SCAPER: variants seen among roughly 807,000 people sequenced by gnomAD.
SCAPER encodes S-phase cyclin A associated protein in the ER, also known as S phase cyclin A-associated protein in the endoplasmic reticulum.
A neutral mutation model predicts 182.2 loss-of-function variants in SCAPER; 98 were observed. The ratio of observed to expected loss-of-function variants is 0.54; its 90% CI spans 0.46 to 0.64. The LOEUF is 0.64. Ranked by LOEUF, SCAPER falls within the 30% of genes least tolerant of loss-of-function variation. The probability of loss-of-function intolerance (pLI) is 0.00; values close to 1 mark genes in which losing one functional copy is unlikely to be tolerated. For missense variants in SCAPER, 1,432 were observed against 1,690.0 expected (o/e 0.85, Z 2.68); for synonymous variants, 605 against 564.6 (o/e 1.07, Z -1.01).
intron 1 of SCAPER, among the ~76,000 whole-genome samples, chr15:76,890,263 G>C (rs1419232962): frequency 1.3e-5 from 2 of 152,094 alleles, no homozygotes. Context: ...AAGAACTAGA[G>C]AAGCAAGAGC....
intron 15 of SCAPER, among the ~76,000 whole-genome samples, chr15:76,741,878 T>G (rs1419832505): frequency 6.6e-6 from 1 of 151,968 alleles, no homozygotes; most frequent in Non-Finnish European, 1.5e-5. Context: ...GGCAATTGAG[T>G]CTAGAGCTCA....
chr15:76,783,432 A>T (rs186598299), intron 8 of SCAPER, among the ~76,000 whole-genome samples: 86 of 152,364 alleles, frequency 5.6e-4, no homozygotes, highest in African/African-American at 2.0e-3. Flanking sequence ...AGACAGATTC[A>T]CAGCCAACTT....
chr15:76,701,798 TTC>T lies in SCAPER; in HGVS notation c.2466_2467del (p.Asn823TyrfsTer7). 2 of 1,613,896 alleles carry T rather than the reference TTC, an allele frequency of 1.2e-6. No individual in the cohort carries two copies. The highest frequency in any genetic ancestry group is 8.5e-7 in the Non-Finnish European group (1 of 1,179,824). On this transcript the variant is annotated frameshift_variant, in exon 20 of 32. Transcript: ENST00000563290. LOFTEE classifies it high-confidence loss of function. ...CAGTTCACGCCCCTGGATGCTGGTA[TTC>T]TCTCTCACGGCTTGCTGGTGTTTTC...
intron 24 of SCAPER, among the ~76,000 whole-genome samples, chr15:76,498,937 G>A (rs960754012): frequency 6.6e-6 from 1 of 152,120 alleles, no homozygotes; most frequent in Non-Finnish European, 1.5e-5. Flanking sequence ...TGCATATACT[G>A]TAAAGAAATA....
chr15:76,878,949 T>A (rs924246902), intron 2 of SCAPER, among the ~76,000 whole-genome samples: 55 of 152,158 alleles, frequency 3.6e-4, no homozygotes, highest in African/African-American at 1.2e-3. Context: ...ACCAAAAAAA[T>A]TTTTTTAATA....
chr15:76,548,631 T>C (rs912392614), intron 23 of SCAPER, among the ~76,000 whole-genome samples: 1 of 152,166 alleles, frequency 6.6e-6, no homozygotes, highest in Non-Finnish European at 1.5e-5. Flanking sequence ...TTCTTAGGCA[T>C]AGTTTTTGTT....
At chr15:76,430,021 G>T (rs2046759486) in intron 26 of SCAPER, among the ~76,000 whole-genome samples, 1 of 152,170 alleles carries the variant, frequency 6.6e-6, no homozygotes, top group African/African-American at 2.4e-5. Flanking sequence ...CTCTGGCCAT[G>T]GCTAAAGGGG....
At chr15:76,368,044 T>C (rs991298555) in intron 29 of SCAPER, among the ~76,000 whole-genome samples, 1 of 152,332 alleles carries the variant, frequency 6.6e-6, no homozygotes, top group Admixed American at 6.5e-5. Context: ...AAGGAACGTA[T>C]CTGTCACACA....
chr15:76,735,975 T>C (rs894852208), intron 15 of SCAPER, among the ~76,000 whole-genome samples: 3 of 152,112 alleles, frequency 2.0e-5, no homozygotes, highest in African/African-American at 7.2e-5. Flanking sequence ...CAATCAACCA[T>C]AGATAAAAAA....
chr15:76,528,943 C>T (rs1371973686), intron 23 of SCAPER, among the ~76,000 whole-genome samples: 1 of 152,220 alleles, frequency 6.6e-6, no homozygotes, highest in African/African-American at 2.4e-5. Flanking sequence ...TTCTCTGAAA[C>T]ACTGTTAAAA....
chr15:76,808,924 T>C (rs1231457945), intron 5 of SCAPER, among the ~76,000 whole-genome samples: 1 of 152,216 alleles, frequency 6.6e-6, no homozygotes, highest in Admixed American at 6.5e-5. Context: ...AGCTCCTAGC[T>C]TCTCCCTGAG....
chr15:76,356,975 A>G lies in SCAPER; in HGVS notation c.3856-2835T>C, dbSNP rs185955961. On this transcript the variant is annotated intron_variant, in intron 29 of 31. Coordinates refer to ENST00000563290, the MANE Select transcript of SCAPER (RefSeq NM_020843.4). ...TCCAACAACATTCAGATCAAAAGAC[A>G]TTGAAATGGAACCTTGTTCCTGGAT... Among the ~76,000 whole-genome samples the G allele has an allele frequency of 3.3e-5, 5 of 152,318 alleles. No individual in the cohort carries two copies. In the East Asian group the frequency reaches 9.6e-4, roughly 29 times the overall value.
intron 26 of SCAPER, among the ~76,000 whole-genome samples, chr15:76,405,259 G>A (rs970636834): frequency 2.0e-5 from 3 of 151,722 alleles, no homozygotes; most frequent in African/African-American, 4.8e-5. Flanking sequence ...GACTACATGC[G>A]TGTACCACCA....
intron 26 of SCAPER, among the ~76,000 whole-genome samples, chr15:76,430,120 A>C (rs1302064879): frequency 6.6e-6 from 1 of 152,206 alleles, no homozygotes; most frequent in African/African-American, 2.4e-5. Context: ...AGGTGCACCG[A>C]AGTCAAGAAT....
intron 5 of SCAPER, among the ~76,000 whole-genome samples, chr15:76,839,410 A>G (rs1228785592): frequency 6.6e-6 from 1 of 152,236 alleles, no homozygotes; most frequent in Non-Finnish European, 1.5e-5. Context: ...AAATGAGATC[A>G]TGGATGGCAG....
At chr15:76,713,762 TA>T (rs1362064617) in intron 17 of SCAPER, among the ~76,000 whole-genome samples, 1 of 152,006 alleles carries the variant, frequency 6.6e-6, no homozygotes, top group African/African-American at 2.4e-5. Context: ...ACATGTACCC[TA>T]AAACTTAAAG....
intron 26 of SCAPER, among the ~76,000 whole-genome samples, chr15:76,431,145 C>T: frequency 7.8e-6 from 1 of 127,868 alleles, no homozygotes; most frequent in African/African-American, 3.1e-5. Flanking sequence ...TTTTCTCAGC[C>T]TTGGGTATGT....
intron 5 of SCAPER, among the ~76,000 whole-genome samples, chr15:76,827,645 G>A (rs1237344103): frequency 1.3e-5 from 2 of 152,072 alleles, no homozygotes; most frequent in Non-Finnish European, 2.9e-5. Context: ...TTGACAGTAG[G>A]AAAGAGGGAA....
chr15:76,355,728 A>C lies in SCAPER; in HGVS notation c.3856-1588T>G, dbSNP rs376080615. Among the ~76,000 whole-genome samples, 5 of 152,346 alleles carry C rather than the reference A, an allele frequency of 3.3e-5. No individual in the cohort carries two copies. The East Asian group carries it at 5.8e-4, about 18-fold the overall frequency. On this transcript the variant is annotated intron_variant, in intron 29 of 31. Transcript: ENST00000563290. Reference sequence around the variant, plus strand: ...CCTGGCATATCAGCACAGAACATGAAGAGCTTAACTGGAACTTACTCCATT... The same window carrying C: ...CCTGGCATATCAGCACAGAACATGACGAGCTTAACTGGAACTTACTCCATT...
Sources: allele counts gnomAD v4.1 joint callset (sites outside exome capture counted in the v4.1 genomes callset), GRCh38; gene constraint gnomAD v4.1.1; transcripts MANE v1.5; gene names NCBI Gene and HGNC (gene_info 2026-07-23, HGNC 2026-07-21).